EYA4: variants seen among roughly 807,000 people sequenced by gnomAD.
The protein encoded by EYA4 is protein phosphatase EYA4.
A neutral mutation model predicts 87.9 loss-of-function variants in EYA4; 31 were observed. The ratio of observed to expected loss-of-function variants is 0.35; its 90% confidence interval spans 0.27 to 0.48. The LOEUF is 0.48. Among genes scored for constraint, EYA4 ranks in the 20% least tolerant of loss-of-function variants. The probability of loss-of-function intolerance (pLI) is 0.99; values close to 1 mark genes in which losing one functional copy is unlikely to be tolerated. For missense variants in EYA4, 678 were observed against 761.4 expected (o/e 0.89, Z 1.29); for synonymous variants, 263 against 270.6 (o/e 0.97, Z 0.28).
rs1800918923 is a variant in EYA4, at chr6:133,530,040, A to ATGAT, written c.*1236_*1239dup. The stretch of plus-strand genomic sequence containing the variant: ...GTTTATTCCCAATGCCATGGCAAAA[A>ATGAT]TGATAATATCATCAGAAATGGAAGG... On this transcript the variant is annotated 3_prime_UTR_variant, in exon 20 of 20. Transcript: ENST00000355286. 1 of 985,110 alleles carries ATGAT rather than the reference A, an allele frequency of 1.0e-6. No individual in the cohort carries two copies. The highest frequency in any genetic ancestry group is 1.7e-5 in the African/African-American group (1 of 57,246). The allele number at this position is 985,110 out of a possible 1,614,324, so 61.0% of individuals were successfully genotyped here.
rs1800894734 is a variant in EYA4, at chr6:133,529,681, CT to C, written c.*878del. 1 of 984,532 alleles carries C rather than the reference CT, an allele frequency of 1.0e-6. No individual in the cohort carries two copies. The highest frequency in any genetic ancestry group is 6.2e-5 in the Admixed American group (1 of 16,256). The allele number at this position is 984,532 out of a possible 1,614,324, so 61.0% of individuals were successfully genotyped here. A position where few individuals can be genotyped will look rare whatever the true frequency, so the allele number is the denominator to read the frequency against. ...GGAAAGCTTGTGTTTCATTTGGGTTCTTAATAATTCCAATAATTGTATGAGG... is the reference window on the plus strand; with the variant it reads ...GGAAAGCTTGTGTTTCATTTGGGTTCTAATAATTCCAATAATTGTATGAGG... On this transcript the variant is annotated 3_prime_UTR_variant, in exon 20 of 20. Coordinates refer to ENST00000355286, the MANE Select transcript of EYA4 (RefSeq NM_004100.5).
At chr6:133,243,521 G>A (rs1357845256) in intron 1 of EYA4, among the ~76,000 whole-genome samples, 2 of 148,750 alleles carry the variant, frequency 1.3e-5, no homozygotes, top group African/African-American at 4.9e-5. Flanking sequence ...CTTACACGTA[G>A]GTGACTGACA....
chr6:133,444,717 G>A (rs1164253918), intron 3 of EYA4, among the ~76,000 whole-genome samples: 1 of 152,026 alleles, frequency 6.6e-6, no homozygotes, highest in Non-Finnish European at 1.5e-5. Context: ...TTTAGTTGAG[G>A]GCAAGTTTTG....
At chr6:133,298,948 A>G (rs1419852321) in intron 2 of EYA4, among the ~76,000 whole-genome samples, 1 of 152,214 alleles carries the variant, frequency 6.6e-6, no homozygotes, top group Admixed American at 6.5e-5. Context: ...GGATAAAGAT[A>G]AGTAAAAGAG....
In EYA4 at chr6:133,484,501, A is replaced by G. The variant is rs1796521591; in HGVS notation, c.1191+1386A>G. Among the ~76,000 whole-genome samples the G allele has an allele frequency of 2.6e-5, 4 of 152,250 alleles. 1 individual carries two copies. In the South Asian group the frequency reaches 8.3e-4, roughly 32 times the overall value. On this transcript the variant is annotated intron_variant, in intron 13 of 19. Transcript: ENST00000355286. ...ATATTTCTAAACAGATGTGAAGGTAATAATTTTGTTTAACAACCATTTACA... is the reference window on the plus strand; with the variant it reads ...ATATTTCTAAACAGATGTGAAGGTAGTAATTTTGTTTAACAACCATTTACA...
At chr6:133,491,747 C>A (rs1426775259) in intron 13 of EYA4, among the ~76,000 whole-genome samples, 1 of 151,870 alleles carries the variant, frequency 6.6e-6, no homozygotes, top group Non-Finnish European at 1.5e-5. Flanking sequence ...GTCAGGAGAT[C>A]AAGACCATCC....
At chr6:133,436,006 G>T (rs1791636307) in intron 3 of EYA4, among the ~76,000 whole-genome samples, 1 of 152,094 alleles carries the variant, frequency 6.6e-6, no homozygotes, top group South Asian at 2.1e-4. Flanking sequence ...GGATCAGGAG[G>T]TCAGGAGTTC....
chr6:133,516,720 C>T (rs1014767207), intron 17 of EYA4, among the ~76,000 whole-genome samples: 12 of 129,756 alleles, frequency 9.2e-5, no homozygotes, highest in African/African-American at 7.1e-5. Flanking sequence ...AAGACTCTGT[C>T]TCAAAAAAAA....
chr6:133,357,217 G>A (rs1358307044), intron 2 of EYA4, among the ~76,000 whole-genome samples: 1 of 137,798 alleles, frequency 7.3e-6, no homozygotes, highest in Non-Finnish European at 1.5e-5. Context: ...CTTGCAGTGA[G>A]CCGAGATCCC....
At chr6:133,519,009 A>G (rs1292102201) in intron 17 of EYA4, among the ~76,000 whole-genome samples, 1 of 151,146 alleles carries the variant, frequency 6.6e-6, no homozygotes, top group Non-Finnish European at 1.5e-5. Flanking sequence ...GTGTAGAGGG[A>G]AATTTATAGC....
intron 2 of EYA4, among the ~76,000 whole-genome samples, chr6:133,334,112 T>A (rs1782186020): frequency 6.6e-6 from 1 of 152,206 alleles, no homozygotes; most frequent in Non-Finnish European, 1.5e-5. Context: ...TGCCATTCAG[T>A]CCGTGAAAAT....
chr6:133,338,634 C>A (rs1363988887), intron 2 of EYA4, among the ~76,000 whole-genome samples: 5 of 152,146 alleles, frequency 3.3e-5, no homozygotes, highest in Admixed American at 1.3e-4. Flanking sequence ...CCTGCTACAA[C>A]ACTTTGGATG....
chr6:133,328,846 A>C (rs1293978510), intron 2 of EYA4, among the ~76,000 whole-genome samples: 2 of 152,124 alleles, frequency 1.3e-5, no homozygotes, highest in Non-Finnish European at 2.9e-5. Flanking sequence ...GTTATGGGTA[A>C]ATGTCTGGCT....
At chr6:133,432,515 T>C (rs1791277550) in intron 3 of EYA4, among the ~76,000 whole-genome samples, 1 of 150,790 alleles carries the variant, frequency 6.6e-6, no homozygotes, top group Admixed American at 6.6e-5. Flanking sequence ...ATGGAGACTA[T>C]CATGTTATAG....
At chr6:133,496,921 G>A (rs1414376314) in intron 13 of EYA4, among the ~76,000 whole-genome samples, 2 of 152,154 alleles carry the variant, frequency 1.3e-5, no homozygotes, top group Non-Finnish European at 2.9e-5. Flanking sequence ...ATAGTGAGCT[G>A]GGAGCTGCAC....
At chr6:133,305,075 A>G (rs1779703548) in intron 2 of EYA4, among the ~76,000 whole-genome samples, 1 of 152,182 alleles carries the variant, frequency 6.6e-6, no homozygotes, top group Non-Finnish European at 1.5e-5. Context: ...AGGCCCAATT[A>G]ATTGAGGGTA....
intron 1 of EYA4, among the ~76,000 whole-genome samples, chr6:133,249,425 G>C: frequency 6.6e-6 from 1 of 152,134 alleles, no homozygotes; most frequent in Admixed American, 6.5e-5. Flanking sequence ...AACCACATTT[G>C]TTCATGATTT....
At chr6:133,486,907 C>G (rs1796732861) in intron 13 of EYA4, among the ~76,000 whole-genome samples, 1 of 152,362 alleles carries the variant, frequency 6.6e-6, no homozygotes, top group East Asian at 1.9e-4. Flanking sequence ...AACACAACCA[C>G]CTTCATAAGA....
chr6:133,327,710 T>G (rs184203378), intron 2 of EYA4, among the ~76,000 whole-genome samples: 1 of 152,186 alleles, frequency 6.6e-6, no homozygotes, highest in African/African-American at 2.4e-5. Flanking sequence ...TTAGTGATGC[T>G]TTACCTTTTA....
Sources: gnomAD v4.1 joint callset for allele counts (sites outside exome capture counted in the v4.1 genomes callset) on GRCh38, gnomAD v4.1.1 for gene constraint, MANE v1.5 for transcripts, NCBI Gene and HGNC (gene_info 2026-07-23, HGNC 2026-07-21) for gene names.